Variants in PRMT1 observed in about 807,000 individuals in gnomAD.
The protein encoded by PRMT1 is protein arginine methyltransferase 1.
A neutral mutation model predicts 47.4 loss-of-function variants in PRMT1; 5 were observed. The ratio of observed to expected loss-of-function variants is 0.11; its 90% CI spans 0.06 to 0.22. The LOEUF is 0.22. PRMT1 is among the 10% of genes least tolerant of loss of function. The pLI, the probability that PRMT1 is intolerant of heterozygous loss-of-function variation, is 1.00. For missense variants in PRMT1, 249 were observed against 518.4 expected (o/e 0.48, Z 5.05); for synonymous variants, 227 against 204.6 (o/e 1.11, Z -0.94).
In PRMT1 at chr19:49,686,260, A is replaced by G. The variant is rs762020814; in HGVS notation, c.910+17A>G. ...TCTCCACCAGTGAGGCGGGGCCCAC[A>G]GGGCTGGGGGCCGTTCCCGAGCCAG... On this transcript the variant is annotated intron_variant, in intron 9 of 10. Transcript: ENST00000454376. 1.8e-5 allele frequency: 29 copies of G among 1,578,726 alleles called. No individual in the cohort carries two copies. Among genetic ancestry groups the G allele is most frequent in the Non-Finnish European group, 2.4e-5 (28 of 1,162,994 alleles).
rs1599949750 is a variant in PRMT1, at chr19:49,685,943, T to G, written c.760-150T>G. ...GGAGCCGGATAGGCAGGATGCAGAG[T>G]GAAGGAGGAGCCGAGGCTGGGTGCC... On this transcript the variant is annotated intron_variant, in intron 8 of 10. Transcript: ENST00000454376. The surrounding 1 kb of genome is among the most constrained non-coding windows in gnomAD (Gnocchi z 4.7). The G allele has an allele frequency of 6.9e-7, 1 of 1,446,612 alleles. No individual in the cohort carries two copies. 89.6% of individuals were successfully genotyped at this position (1,446,612 alleles called of 1,614,324 possible). A position where few individuals can be genotyped will look rare whatever the true frequency, so the allele number is the denominator to read the frequency against.
intron 10 of PRMT1, among the ~76,000 whole-genome samples, chr19:49,687,506 C>T (rs925615766): frequency 6.7e-6 from 1 of 149,746 alleles, no homozygotes; most frequent in Non-Finnish European, 1.5e-5. Flanking sequence ...CTGCCCCCTC[C>T]GCTCCCCGCC....
Position 49,686,606 on chromosome 19 carries a change from C to T in PRMT1, c.912C>T (p.Ser304=). The change falls in exon 10 of 11, where the codon AGC becomes AGT. Residue 304 remains serine, a splice_region_variant and synonymous_variant. Transcript: ENST00000454376. ...RCHKRTGFST[S]PESPYTHWKQ... is the part of the protein sequence containing the mutation. ...CGGCTGACCCGCCCGCGCCCCCAGGCCCCGAGTCCCCGTACACGCACTGGA... is the reference window on the plus strand; with the variant it reads ...CGGCTGACCCGCCCGCGCCCCCAGGTCCCGAGTCCCCGTACACGCACTGGA... The T allele has an allele frequency of 6.2e-7, 1 of 1,610,360 alleles. No individual in the cohort carries two copies. Among genetic ancestry groups the T allele is most frequent in the Non-Finnish European group, 8.5e-7 (1 of 1,179,066 alleles).
intron 10 of PRMT1, among the ~76,000 whole-genome samples, chr19:49,686,988 G>T (rs1276217617): frequency 6.6e-6 from 1 of 152,074 alleles, no homozygotes; most frequent in Non-Finnish European, 1.5e-5. Context: ...CTGAAACCCT[G>T]CCCTCCTGGT....
chr19:49,682,546 A>G (rs1316753900), intron 5 of PRMT1, among the ~76,000 whole-genome samples: 1 of 152,188 alleles, frequency 6.6e-6, no homozygotes, highest in Non-Finnish European at 1.5e-5. Flanking sequence ...CCTGTTTCCC[A>G]GCTGCCCTCC....
chr19:49,684,061 A>G lies in PRMT1; in HGVS notation c.547A>G (p.Lys183Glu). The G allele has an allele frequency of 6.2e-7, 1 of 1,614,152 alleles. No homozygotes were observed. Among genetic ancestry groups the G allele is most frequent in the Non-Finnish European group, 8.5e-7 (1 of 1,180,010 alleles). The change falls in exon 6 of 11, where the codon AAG (lysine) becomes GAG (glutamate). Residue 183 changes from lysine (K) to glutamate (E), a missense_variant. By Grantham distance (56) the Lys-to-Glu change is moderately conservative (BLOSUM62 1). This residue lies in a region of PRMT1 where 190 missense variants were observed against 456.7 expected (regional missense o/e 0.42). Transcript: ENST00000454376. The surrounding 1 kb of genome is among the most constrained non-coding windows in gnomAD (Gnocchi z 6.2). ...CAACACCGTGCTCTATGCCCGGGAC[A>G]AGTGGCTGGTGAGGCCCCAGCGGGA... ...MLNTVLYARDKWLAPDGLIFP... is the reference protein window; with the variant it reads ...MLNTVLYARDEWLAPDGLIFP...
Position 49,680,083 on chromosome 19 carries a change from A to C in PRMT1, c.90+158A>C. 1 of 1,093,508 alleles carries C rather than the reference A, an allele frequency of 9.1e-7. No homozygotes were observed. Among genetic ancestry groups the C allele is most frequent in the Non-Finnish European group, 1.4e-6 (1 of 736,908 alleles). 67.7% of individuals were successfully genotyped at this position (1,093,508 alleles called of 1,614,324 possible). On this transcript the variant is annotated intron_variant, in intron 2 of 10. Coordinates refer to ENST00000454376, the MANE Select transcript of PRMT1 (RefSeq NM_001536.6). This position sits in a 1 kb window ranked among gnomAD's most constrained non-coding sequence, Gnocchi z 4.2. ...ACTTAGTAGCAACCCCTCCAGGTTCACAGCCCCCGCTGGCCTCCCCCAGTA... is the reference window on the plus strand; with the variant it reads ...ACTTAGTAGCAACCCCTCCAGGTTCCCAGCCCCCGCTGGCCTCCCCCAGTA...
At position 49,685,852 on chromosome 19, in the gene PRMT1, C is replaced by A; in HGVS notation, c.760-241C>A. On this transcript the variant is annotated intron_variant, in intron 8 of 10. Coordinates refer to ENST00000454376, the MANE Select transcript of PRMT1 (RefSeq NM_001536.6). The surrounding 1 kb of genome is among the most constrained non-coding windows in gnomAD (Gnocchi z 4.7). ...AGGTCTGGACAGAGTTAGGGTGGCA[C>A]TGCCAGGTTTGGGTGTTGGAGAGGA... 2 of 1,366,704 alleles carry A rather than the reference C, an allele frequency of 1.5e-6. No individual in the cohort carries two copies. The highest frequency in any genetic ancestry group is 1.9e-6 in the Non-Finnish European group (2 of 1,059,400). 84.7% of individuals were successfully genotyped at this position (1,366,704 alleles called of 1,614,324 possible).
intron 1 of PRMT1, 132 bp from the exon 2 acceptor site, chr19:49,679,740 T>A: frequency 9.4e-6 from 6 of 636,684 alleles, no homozygotes; most frequent in Non-Finnish European, 1.5e-5. Flanking sequence ...ACTTGCCCCC[T>A]TCGCCACCAC....
In PRMT1 at chr19:49,680,616, A is replaced by C. The variant is rs769710676; in HGVS notation, c.192+28A>C. 2.0e-6 allele frequency: 3 copies of C among 1,518,584 alleles called. No homozygotes were observed. The Admixed American group carries it at 5.0e-5, about 25-fold the overall frequency. The allele number at this position is 1,518,584 out of a possible 1,614,324, so 94.1% of individuals were successfully genotyped here. A position where few individuals can be genotyped will look rare whatever the true frequency, so the allele number is the denominator to read the frequency against. ...CAGTGGGGACAGTCCCCAAGGCCCC[A>C]ATCTTAGGGGGGCTTAAATGTTGGG... is the stretch of plus-strand genomic sequence containing the variant. On this transcript the variant is annotated intron_variant, in intron 3 of 10. Transcript: ENST00000454376. This position sits in a 1 kb window ranked among gnomAD's most constrained non-coding sequence, Gnocchi z 4.2.
At chr19:49,679,031 C>T (rs2082077574) in intron 1 of PRMT1, among the ~76,000 whole-genome samples, 1 of 151,982 alleles carries the variant, frequency 6.6e-6, no homozygotes, top group Non-Finnish European at 1.5e-5. Flanking sequence ...TTACAGGCAC[C>T]CGCCACCAGG....
intron 9 of PRMT1, 83 bp downstream of exon 9, chr19:49,686,326 G>T (rs369183332): frequency 6.8e-7 from 1 of 1,477,706 alleles, no homozygotes; most frequent in Admixed American, 2.3e-5. Context: ...TGACAGAAAC[G>T]GGCAGAAGGA....
At chr19:49,683,053 G>A (rs752735096) in intron 5 of PRMT1, among the ~76,000 whole-genome samples, 1 of 151,282 alleles carries the variant, frequency 6.6e-6, no homozygotes, top group East Asian at 1.9e-4. Flanking sequence ...GCCTCCCAAA[G>A]TGCTGGGATT....
rs566213852 is a variant in PRMT1 at position 49,688,251 on chromosome 19, G to A, written c.*6G>A. ...CCGACTACCGGATGCGCTGAGGCCC[G>A]GCTCTCCCGCCCTGCACGAGCCCAG... On this transcript the variant is annotated 3_prime_UTR_variant, in exon 11 of 11. Coordinates refer to ENST00000454376, the MANE Select transcript of PRMT1 (RefSeq NM_001536.6). The surrounding 1 kb of genome is among the most constrained non-coding windows in gnomAD (Gnocchi z 5.3). 67 of 1,613,374 alleles carry A rather than the reference G, an allele frequency of 4.2e-5. No homozygotes were observed. Among genetic ancestry groups the A allele is most frequent in the Non-Finnish European group, 5.2e-5 (61 of 1,179,760 alleles).
At position 49,680,916 on chromosome 19, in the gene PRMT1, C is replaced by G. The variant is rs942110841; in HGVS notation, c.192+328C>G. ...TGGGACTGCGCCCCGGCTGCTCCCG[C>G]CCTAACAGCTTCTGCACACTTCAGA... is the stretch of plus-strand genomic sequence containing the variant. On this transcript the variant is annotated intron_variant, in intron 3 of 10. Coordinates refer to ENST00000454376, the MANE Select transcript of PRMT1 (RefSeq NM_001536.6). The surrounding 1 kb of genome is among the most constrained non-coding windows in gnomAD (Gnocchi z 4.2). 4.6e-5 allele frequency among the ~76,000 whole-genome samples: 7 copies of G among 152,240 alleles called. No individual in the cohort carries two copies. The highest frequency in any genetic ancestry group is 4.6e-4 in the Admixed American group (7 of 15,288).
At chr19:49,676,528 T>G (rs1271625394), upstream of PRMT1, 1 of 152,196 alleles carries the variant, frequency 6.6e-6, no homozygotes, top group Admixed American at 6.6e-5. Context: ...AATGATTATG[T>G]CAAGGGCTAG....
Position 49,686,595 on chromosome 19 carries a change from G to A in PRMT1, c.911-10G>A, listed in dbSNP as rs763122817. 2.0e-5 allele frequency: 32 copies of A among 1,609,126 alleles called. No homozygotes were observed. Among genetic ancestry groups the A allele is most frequent in the South Asian group, 5.5e-5 (5 of 90,876 alleles). Reference sequence around the variant, plus strand: ...CAGGCCGAGGCCGGCTGACCCGCCCGCGCCCCCAGGCCCCGAGTCCCCGTA... The same window carrying A: ...CAGGCCGAGGCCGGCTGACCCGCCCACGCCCCCAGGCCCCGAGTCCCCGTA... On this transcript the variant is annotated splice_polypyrimidine_tract_variant and intron_variant, in intron 9 of 10. Transcript: ENST00000454376.
At chr19:49,683,859 C>A (rs536227644) in intron 5 of PRMT1, 68 bp from the exon 6 acceptor site, 3 of 1,555,838 alleles carry the variant, frequency 1.9e-6, no homozygotes, top group Admixed American at 1.9e-5. Flanking sequence ...AGGCTCTAGC[C>A]CCCGGGGGAG....
Position 49,684,877 on chromosome 19 carries a change from G to A in PRMT1, c.643+36G>A, listed in dbSNP as rs200996986. On this transcript the variant is annotated intron_variant, in intron 7 of 10. Transcript: ENST00000454376. This position sits in a 1 kb window ranked among gnomAD's most constrained non-coding sequence, Gnocchi z 6.2. ...CCCGGGAGCTGGCGGGCGGGGCCTC[G>A]GGTGGGCTGCTGCGGGCTCACCCCC... The A allele has an allele frequency of 6.4e-4, 1,034 of 1,610,342 alleles. 1 individual carries two copies. Among genetic ancestry groups the A allele is most frequent in the African/African-American group, 1.5e-3 (110 of 74,966 alleles).
Sources: gnomAD v4.1 joint callset for allele counts (sites outside exome capture counted in the v4.1 genomes callset) on GRCh38, gnomAD v4.1.1 for gene constraint, gnomAD v4.1.1 regional missense constraint, Gnocchi (gnomAD v3.1) non-coding constraint, MANE v1.5 for transcripts, NCBI Gene and HGNC (gene_info 2026-07-23, HGNC 2026-07-21) for gene names.